The following OSBPL9 variants were observed in gnomAD, a reference collection of about 807,000 sequenced individuals.
The protein encoded by OSBPL9 is oxysterol binding protein like 9.
Under a neutral mutation model 106.6 loss-of-function variants are expected in OSBPL9, and 40 were observed. That is an observed-to-expected ratio of 0.38 (90% CI 0.29 to 0.49). The LOEUF is 0.49. Ranked by LOEUF, OSBPL9 falls within the 20% of genes least tolerant of loss-of-function variation. The pLI is 0.97. For synonymous variants in OSBPL9, 269 were observed against 295.4 expected (o/e 0.91, Z 0.92); for missense variants, 609 against 887.2 (o/e 0.69, Z 3.98).
intron 1 of OSBPL9, among the ~76,000 whole-genome samples, chr1:51,577,693 T>C (rs1645194561): frequency 6.6e-6 from 1 of 152,254 alleles, no homozygotes; most frequent in Non-Finnish European, 1.5e-5. Context: ...AGCTACTGTT[T>C]AGAACTGTAT....
At chr1:51,635,340 A>G (rs550161488) in intron 1 of OSBPL9, among the ~76,000 whole-genome samples, 3 of 151,974 alleles carry the variant, frequency 2.0e-5, no homozygotes, top group African/African-American at 7.3e-5. Context: ...CTGTGAGGTA[A>G]TCTTCCTAGA....
At chr1:51,574,151 C>G (rs979901243), upstream of OSBPL9, 22 of 152,194 alleles carry the variant, frequency 1.4e-4, no homozygotes, top group Admixed American at 1.4e-3. Flanking sequence ...AGGGATGACT[C>G]TGATATTCCT....
At chr1:51,606,116 C>T (rs1464406915) in intron 2 of OSBPL9, among the ~76,000 whole-genome samples, 31 of 152,172 alleles carry the variant, frequency 2.0e-4, no homozygotes, top group Non-Finnish European at 2.9e-5. Context: ...GAGTGGATAA[C>T]GCCAAGCTAC....
At chr1:51,661,097 A>T (rs761219454) in intron 2 of OSBPL9, among the ~76,000 whole-genome samples, 5 of 152,254 alleles carry the variant, frequency 3.3e-5, no homozygotes, top group Non-Finnish European at 7.3e-5. Context: ...ATGTGAATGT[A>T]AATAGACTTC....
At chr1:51,679,186 CT>C (rs1430824209) in intron 3 of OSBPL9, among the ~76,000 whole-genome samples, 5 of 152,044 alleles carry the variant, frequency 3.3e-5, no homozygotes, top group African/African-American at 1.2e-4. Flanking sequence ...TTTTCTTCTT[CT>C]TTATTTGCTT....
chr1:51,663,065 C>G (rs1013219367), intron 2 of OSBPL9, among the ~76,000 whole-genome samples: 1 of 152,032 alleles, frequency 6.6e-6, no homozygotes, highest in African/African-American at 2.4e-5. Context: ...TTTCTGTATA[C>G]TAACAACTGG....
chr1:51,615,398 G>A (rs1644029428), upstream of OSBPL9, among the ~76,000 whole-genome samples: 1 of 152,178 alleles, frequency 6.6e-6, no homozygotes, highest in Non-Finnish European at 1.5e-5. Flanking sequence ...ATCTCTGCTA[G>A]TATCAAAAGT....
intron 2 of OSBPL9, among the ~76,000 whole-genome samples, chr1:51,610,554 T>G (rs988056030): frequency 2.0e-5 from 3 of 152,236 alleles, no homozygotes; most frequent in African/African-American, 7.2e-5. Context: ...AGTATTGTTA[T>G]ATTGGAGATA....
At chr1:51,785,411 T>C (rs1256859563) in intron 20 of OSBPL9, 1 of 178,950 alleles carries the variant, frequency 5.6e-6, no homozygotes, top group Non-Finnish European at 1.2e-5. Flanking sequence ...AAAGCCTGCA[T>C]TATATTCTTA....
intron 12 of OSBPL9, among the ~76,000 whole-genome samples, chr1:51,767,856 G>A (rs1372945323): frequency 1.4e-5 from 2 of 144,852 alleles, no homozygotes; most frequent in Non-Finnish European, 3.0e-5. Flanking sequence ...GCATTTGGAA[G>A]AAAATTCGAA....
intron 2 of OSBPL9, among the ~76,000 whole-genome samples, chr1:51,662,077 T>C (rs1338757416): frequency 6.6e-6 from 1 of 152,078 alleles, no homozygotes; most frequent in Non-Finnish European, 1.5e-5. Flanking sequence ...GGTCGTATGG[T>C]CACCTTGTGT....
At chr1:51,735,850 T>C (rs1665562976) in intron 4 of OSBPL9, among the ~76,000 whole-genome samples, 1 of 152,362 alleles carries the variant, frequency 6.6e-6, no homozygotes, top group African/African-American at 2.4e-5. Context: ...TTTACTACCA[T>C]TTATTTCAAT....
At chr1:51,575,165 T>G (rs1161942472), upstream of OSBPL9, among the ~76,000 whole-genome samples, 2 of 152,158 alleles carry the variant, frequency 1.3e-5, no homozygotes, top group Non-Finnish European at 2.9e-5. Flanking sequence ...CAATGGATAG[T>G]TCTCTACTCC....
At chr1:51,756,380 T>C in intron 9 of OSBPL9, 22 bp downstream of exon 9, 1 of 1,608,110 alleles carries the variant, frequency 6.2e-7, no homozygotes, top group Non-Finnish European at 8.5e-7. Context: ...GTAATCTTTT[T>C]GTTTCCCTTT....
chr1:51,579,125 AGCTCACT>A (rs1237097328), intron 1 of OSBPL9, among the ~76,000 whole-genome samples: 1 of 149,808 alleles, frequency 6.7e-6, no homozygotes, highest in East Asian at 2.0e-4. Flanking sequence ...GTCCAATTTC[AGCTCACT>A]GCAGCCTCTT....
chr1:51,782,923 T>C (rs767122067), intron 17 of OSBPL9, among the ~76,000 whole-genome samples: 6 of 152,226 alleles, frequency 3.9e-5, no homozygotes, highest in Non-Finnish European at 8.8e-5. Context: ...ATTTGTGCTG[T>C]AGAGACCTCA....
At chr1:51,536,690 A>G in the OSBPL9 span, among the ~76,000 whole-genome samples, 6 of 152,074 alleles carry the variant, frequency 3.9e-5, no homozygotes, top group African/African-American at 1.4e-4. Context: ...CGATATTCAC[A>G]TTTTTAAAGA....
intron 3 of OSBPL9, among the ~76,000 whole-genome samples, chr1:51,696,806 T>TTTTTTTA (rs1049627729): frequency 6.6e-6 from 1 of 152,224 alleles, no homozygotes; most frequent in Non-Finnish European, 1.5e-5. Flanking sequence ...CTGTCCCGTT[T>TTTTTTTA]TTTTTTATTT....
intron 1 of OSBPL9, among the ~76,000 whole-genome samples, chr1:51,638,195 A>G (rs993718177): frequency 3.3e-5 from 5 of 152,204 alleles, no homozygotes; most frequent in African/African-American, 4.8e-5. Flanking sequence ...GATGCTCAAA[A>G]TGAGACCATC....
Sources: gnomAD v4.1 joint callset for allele counts (sites outside exome capture counted in the v4.1 genomes callset) on GRCh38, gnomAD v4.1.1 for gene constraint, MANE v1.5 for transcripts, NCBI Gene and HGNC (gene_info 2026-07-23, HGNC 2026-07-21) for gene names.